The following AFAP1L2 variants were observed in gnomAD, a reference collection of about 807,000 sequenced individuals.
AFAP1L2 encodes actin filament-associated protein 1-like 2.
AFAP1L2 carries 46 observed loss-of-function variants against 99.3 expected under a neutral mutation model. That is an observed-to-expected ratio of 0.46 (90% CI 0.37 to 0.59). AFAP1L2 has a LOEUF of 0.59. Among genes scored for constraint, AFAP1L2 ranks in the 20% least tolerant of loss-of-function variants. The pLI, the probability that AFAP1L2 is intolerant of heterozygous loss-of-function variation, is 0.00. For synonymous variants in AFAP1L2, 397 were observed against 419.1 expected, an observed-to-expected ratio of 0.95 and a Z score of 0.64; for missense variants, 959 against 1,034.9, an observed-to-expected ratio of 0.93 and a Z score of 1.01.
chr10:114,287,170 G>A, the AFAP1L2 span, among the ~76,000 whole-genome samples: 10 of 152,190 alleles, frequency 6.6e-5, no homozygotes, highest in African/African-American at 2.4e-4. Flanking sequence ...CAGAGATGTA[G>A]TAGCTGAAAC....
intron 4 of AFAP1L2, among the ~76,000 whole-genome samples, chr10:114,330,595 C>T (rs1254718967): frequency 1.3e-5 from 2 of 152,146 alleles, no homozygotes; most frequent in Admixed American, 6.5e-5. Context: ...GCCCATCTGA[C>T]GAGACAGATG....
intron 1 of AFAP1L2, among the ~76,000 whole-genome samples, chr10:114,398,306 C>T (rs993206521): frequency 3.3e-5 from 5 of 152,230 alleles, no homozygotes; most frequent in South Asian, 2.1e-4. Flanking sequence ...ATGAGCAGTT[C>T]GTCACCTATC....
Position 114,297,221 on chromosome 10 carries a change from C to CG in AFAP1L2, c.2305dup (p.Arg769ProfsTer73). ...AGAGGCCGCAGTTCCAGCACTCACG[C>CG]GGGGGCTCACATTCTCCAGGTGGGT... On this transcript the variant is annotated frameshift_variant and splice_region_variant, in exon 17 of 19. Transcript: ENST00000304129. LOFTEE classifies it high-confidence loss of function. 2 of 1,613,484 alleles carry CG rather than the reference C, an allele frequency of 1.2e-6. No homozygotes were observed. The highest frequency in any genetic ancestry group is 1.7e-6 in the Non-Finnish European group (2 of 1,179,694).
the AFAP1L2 span, chr10:114,284,902 G>T: frequency 6.2e-7 from 1 of 1,607,568 alleles, no homozygotes; most frequent in Non-Finnish European, 8.5e-7. Flanking sequence ...GGAGGCACAT[G>T]TGTTCCAGAA....
At chr10:114,403,319 T>C (rs908340635) in intron 1 of AFAP1L2, among the ~76,000 whole-genome samples, 5 of 152,026 alleles carry the variant, frequency 3.3e-5, no homozygotes, top group African/African-American at 7.2e-5. Context: ...GAAAAAGCAA[T>C]GGGAAAGTGA....
rs190913052 is a variant in AFAP1L2, at chr10:114,355,348, G to A, written c.17-14617C>T. ...TGGCTCACTGCAAGCTCCGCCTCCCGGATTCACACAAACTGCTGTGATTAT... is the reference window on the plus strand; with the variant it reads ...TGGCTCACTGCAAGCTCCGCCTCCCAGATTCACACAAACTGCTGTGATTAT... On this transcript the variant is annotated intron_variant, in intron 1 of 18. Coordinates refer to ENST00000304129, the MANE Select transcript of AFAP1L2 (RefSeq NM_001001936.3). 1.8e-3 allele frequency among the ~76,000 whole-genome samples: 271 copies of A among 150,788 alleles called. 2 individuals carry two copies. Among genetic ancestry groups the A allele is most frequent in the African/African-American group, 6.3e-3 (258 of 40,746 alleles).
At chr10:114,395,285 T>C (rs780486559) in intron 1 of AFAP1L2, among the ~76,000 whole-genome samples, 30 of 152,240 alleles carry the variant, frequency 2.0e-4, no homozygotes, top group East Asian at 5.8e-4. Flanking sequence ...GTGTTGACCA[T>C]TGTGAGCTGA....
At chr10:114,357,485 C>T (rs2051565832) in intron 1 of AFAP1L2, among the ~76,000 whole-genome samples, 1 of 152,122 alleles carries the variant, frequency 6.6e-6, no homozygotes. Context: ...CTCACAGTAC[C>T]CTTGTCTACC....
At chr10:114,345,568 G>A (rs1590366298) in intron 1 of AFAP1L2, among the ~76,000 whole-genome samples, 1 of 152,186 alleles carries the variant, frequency 6.6e-6, no homozygotes, top group Non-Finnish European at 1.5e-5. Context: ...CCCTGCAAGT[G>A]CACAGCTGTG....
At chr10:114,375,148 G>GATA (rs1166219882) in intron 1 of AFAP1L2, among the ~76,000 whole-genome samples, 1 of 152,136 alleles carries the variant, frequency 6.6e-6, no homozygotes, top group Non-Finnish European at 1.5e-5. Context: ...TCAAAAGAAG[G>GATA]ATAATATTTC....
At position 114,295,664 on chromosome 10, in the gene AFAP1L2, C is replaced by A; in HGVS notation, c.*378G>T. The A allele has an allele frequency of 9.8e-7, 1 of 1,024,638 alleles. No homozygotes were observed. The highest frequency in any genetic ancestry group is 1.2e-6 in the Non-Finnish European group (1 of 854,718). 63.5% of individuals were successfully genotyped at this position (1,024,638 alleles called of 1,614,324 possible). ...TTCTCACTCACCAAAGACACGTGAC[C>A]CATAAGACAGGGCCCTGCTTCCTTG... On this transcript the variant is annotated 3_prime_UTR_variant, in exon 19 of 19. Transcript: ENST00000304129.
intron 1 of AFAP1L2, among the ~76,000 whole-genome samples, chr10:114,387,990 C>A (rs183077579): frequency 1.3e-4 from 20 of 152,258 alleles, no homozygotes; most frequent in Admixed American, 1.2e-3. Context: ...CATCCCAGCG[C>A]CCCCTTCAGT....
intron 1 of AFAP1L2, among the ~76,000 whole-genome samples, chr10:114,378,669 C>G (rs138722657): frequency 5.9e-4 from 90 of 152,264 alleles, no homozygotes; most frequent in African/African-American, 2.1e-3. Flanking sequence ...AATTAGCTGT[C>G]CCCCAAAATA....
chr10:114,296,948 C>T lies in AFAP1L2; in HGVS notation c.2430+30G>A, dbSNP rs947056029. 3 of 1,613,730 alleles carry T rather than the reference C, an allele frequency of 1.9e-6. No individual in the cohort carries two copies. In the African/African-American group the frequency reaches 4.0e-5, roughly 22 times the overall value. The stretch of plus-strand genomic sequence containing the variant: ...CCTACCTTAGTGACATTTCTGCTGG[C>T]CCCAAGGGAGGCTGGGAGTGACTGC... On this transcript the variant is annotated intron_variant, in intron 18 of 18. Transcript: ENST00000304129.
At chr10:114,364,775 C>G (rs1368936276) in intron 1 of AFAP1L2, among the ~76,000 whole-genome samples, 2 of 152,176 alleles carry the variant, frequency 1.3e-5, no homozygotes, top group Non-Finnish European at 2.9e-5. Flanking sequence ...GTGGCCCCTG[C>G]ACTGAGCAAG....
intron 6 of AFAP1L2, 73 bp from the exon 7 acceptor site, chr10:114,314,123 C>T (rs547206050): frequency 6.8e-7 from 1 of 1,479,146 alleles, no homozygotes; most frequent in African/African-American, 1.4e-5. Flanking sequence ...AAAGGAGGGG[C>T]CGCTGGACGT....
intron 1 of AFAP1L2, among the ~76,000 whole-genome samples, chr10:114,357,153 C>T (rs1464116988): frequency 6.6e-6 from 1 of 152,192 alleles, no homozygotes; most frequent in Admixed American, 6.5e-5. Context: ...TCTTCCAGAG[C>T]ATTTCATTTG....
chr10:114,327,171 ATATTTT>A (rs1292398488), intron 4 of AFAP1L2, among the ~76,000 whole-genome samples: 2 of 68,296 alleles, frequency 2.9e-5, no homozygotes, highest in African/African-American at 9.7e-5. Context: ...ATATATATAT[ATATTTT>A]TTTTTTAGGC....
At chr10:114,372,724 T>C (rs550123553) in intron 1 of AFAP1L2, among the ~76,000 whole-genome samples, 115 of 151,994 alleles carry the variant, frequency 7.6e-4, no homozygotes, top group Non-Finnish European at 1.3e-3. Flanking sequence ...GCAATGAAAA[T>C]TTCCCCCATC....
Sources: gnomAD v4.1 joint callset for allele counts (sites outside exome capture counted in the v4.1 genomes callset) on GRCh38, gnomAD v4.1.1 for gene constraint, MANE v1.5 for transcripts, NCBI Gene and HGNC (gene_info 2026-07-23, HGNC 2026-07-21) for gene names.